The following PI4K2B variants were observed in gnomAD, a reference collection of about 807,000 sequenced individuals.
PI4K2B encodes the protein phosphatidylinositol 4-kinase type 2 beta, also known as phosphatidylinositol 4-kinase type 2-beta.
PI4K2B carries 46 observed loss-of-function variants against 56.6 expected under a neutral mutation model. That is an observed-to-expected ratio of 0.81 (90% CI 0.64 to 1.04). PI4K2B has a LOEUF of 1.04. Among genes scored for constraint, PI4K2B ranks in the 50% least tolerant of loss-of-function variants. PI4K2B has a pLI of 0.00. For missense variants in PI4K2B, 556 were observed against 607.7 expected, an observed-to-expected ratio of 0.91 and a Z score of 0.89; for synonymous variants, 211 against 223.8, an observed-to-expected ratio of 0.94 and a Z score of 0.51.
intron 9 of PI4K2B, among the ~76,000 whole-genome samples, chr4:25,273,604 G>A (rs1716992242): frequency 2.0e-5 from 3 of 152,234 alleles, no homozygotes; most frequent in South Asian, 4.1e-4. Context: ...TGAAATAAGG[G>A]CGCCTGCCAG....
At chr4:25,248,598 GTT>G (rs56141369) in intron 1 of PI4K2B, among the ~76,000 whole-genome samples, 217 of 131,910 alleles carry the variant, frequency 1.6e-3, no homozygotes, top group East Asian at 5.1e-3. Flanking sequence ...ATGATGTATG[GTT>G]TTTTTTTTTT....
chr4:25,272,544 G>A (rs1181215782), intron 9 of PI4K2B, among the ~76,000 whole-genome samples: 1 of 152,000 alleles, frequency 6.6e-6, no homozygotes, highest in Non-Finnish European at 1.5e-5. Flanking sequence ...GCTCATGGCT[G>A]TTGTCCCAGC....
Position 25,234,152 on chromosome 4 carries a change from C to T in PI4K2B, c.-12C>T. The T allele has an allele frequency of 7.4e-7, 1 of 1,350,148 alleles. No individual in the cohort carries two copies. Among genetic ancestry groups the T allele is most frequent in the Non-Finnish European group, 9.5e-7 (1 of 1,048,566 alleles). The allele number at this position is 1,350,148 out of a possible 1,614,324, so 83.6% of individuals were successfully genotyped here. ...TGATCTGGTCTCAGCGCGGAGGGAG[C>T]AGAGGGAGTCCATGGAGGATCCCTC... On this transcript the variant is annotated 5_prime_UTR_variant, in exon 1 of 10. Coordinates refer to ENST00000264864, the MANE Select transcript of PI4K2B (RefSeq NM_018323.4).
At position 25,269,122 on chromosome 4, in the gene PI4K2B, GT is replaced by G; in HGVS notation, c.1213-15del. 12 of 1,434,320 alleles carry G rather than the reference GT, an allele frequency of 8.4e-6. No individual in the cohort carries two copies. The highest frequency in any genetic ancestry group is 1.2e-5 in the South Asian group (1 of 81,590). The allele number at this position is 1,434,320 out of a possible 1,614,324, so 88.8% of individuals were successfully genotyped here. ...TATCAAAGTCTTTATTTTGGGAATT[GT>G]TTTTTTCCTTTCTATAATAGACTGA... is the stretch of plus-strand genomic sequence containing the variant. On this transcript the variant is annotated intron_variant, in intron 8 of 9. Coordinates refer to ENST00000264864, the MANE Select transcript of PI4K2B (RefSeq NM_018323.4).
intron 1 of PI4K2B, among the ~76,000 whole-genome samples, chr4:25,251,567 G>A (rs182572941): frequency 6.6e-6 from 1 of 152,098 alleles, no homozygotes; most frequent in East Asian, 1.9e-4. Context: ...TCCTTTGTAG[G>A]TTCTAGTAGG....
intron 8 of PI4K2B, 130 bp downstream of exon 8, chr4:25,268,706 A>G: frequency 1.7e-6 from 1 of 603,882 alleles, no homozygotes; most frequent in Non-Finnish European, 2.8e-6. Flanking sequence ...CAGGACAGAG[A>G]GGAATTAGCA....
chr4:25,259,589 C>G (rs1254489013), intron 5 of PI4K2B, among the ~76,000 whole-genome samples: 1 of 152,012 alleles, frequency 6.6e-6, no homozygotes, highest in African/African-American at 2.4e-5. Flanking sequence ...TATAAAGGAG[C>G]AATGACGTAG....
chr4:25,270,398 T>C (rs545315255), intron 9 of PI4K2B, among the ~76,000 whole-genome samples: 2 of 151,984 alleles, frequency 1.3e-5, no homozygotes, highest in African/African-American at 4.8e-5. Context: ...CAGGCTGGAG[T>C]GCAATGGTGC....
chr4:25,249,879 T>C (rs947704828), intron 1 of PI4K2B, among the ~76,000 whole-genome samples: 1 of 151,258 alleles, frequency 6.6e-6, no homozygotes, highest in Non-Finnish European at 1.5e-5. Flanking sequence ...GGCTGGGAGG[T>C]GGAGGTTGTA....
In PI4K2B at chr4:25,234,225, A is replaced by G; in HGVS notation, c.62A>G (p.Glu21Gly). The G allele has an allele frequency of 7.0e-7, 1 of 1,424,570 alleles. No homozygotes were observed. The highest frequency in any genetic ancestry group is 9.2e-7 in the Non-Finnish European group (1 of 1,088,086). 88.2% of individuals were successfully genotyped at this position (1,424,570 alleles called of 1,614,324 possible). A position where few individuals can be genotyped will look rare whatever the true frequency, so the allele number is the denominator to read the frequency against. ...ASADGGSPEE[E>G]EDGEREPLLP... is the part of the protein sequence containing the mutation. Reference sequence around the variant, plus strand: ...GCGGACGGCGGGAGCCCGGAGGAGGAGGAGGATGGGGAGCGGGAGCCGCTG... The same window carrying G: ...GCGGACGGCGGGAGCCCGGAGGAGGGGGAGGATGGGGAGCGGGAGCCGCTG... The change falls in exon 1 of 10, where the codon GAG becomes GGG. Residue 21 changes from glutamate (E) to glycine (G), a missense_variant. Glu to Gly is a moderately conservative substitution (Grantham distance 98). Coordinates refer to ENST00000264864, the MANE Select transcript of PI4K2B (RefSeq NM_018323.4).
Position 25,252,305 on chromosome 4 carries a change from T to C in PI4K2B, c.269-16T>C, listed in dbSNP as rs1259802822. On this transcript the variant is annotated splice_polypyrimidine_tract_variant and intron_variant, in intron 1 of 9. Coordinates refer to ENST00000264864, the MANE Select transcript of PI4K2B (RefSeq NM_018323.4). The stretch of plus-strand genomic sequence containing the variant: ...ATCATGAGCATTCTCATAGCTGGTA[T>C]TTCTTCTTAATGCAGTAACTATTGG... 3.8e-5 allele frequency: 60 copies of C among 1,596,214 alleles called. No individual in the cohort carries two copies. Among genetic ancestry groups the C allele is most frequent in the Non-Finnish European group, 5.1e-5 (59 of 1,165,296 alleles).
At chr4:25,236,589 A>G (rs1426101343) in intron 1 of PI4K2B, among the ~76,000 whole-genome samples, 1 of 152,206 alleles carries the variant, frequency 6.6e-6, no homozygotes, top group Non-Finnish European at 1.5e-5. Flanking sequence ...CAGCACAGCA[A>G]GTTAGTTGTT....
chr4:25,276,392 C>A, intron 9 of PI4K2B: 1 of 289,920 alleles, frequency 3.4e-6, no homozygotes, highest in Non-Finnish European at 5.1e-6. Context: ...ACTGCCTTCC[C>A]AAATTCTCTA....
At chr4:25,245,556 C>T (rs960090743) in intron 1 of PI4K2B, among the ~76,000 whole-genome samples, 5 of 152,140 alleles carry the variant, frequency 3.3e-5, no homozygotes, top group Admixed American at 1.3e-4. Context: ...CCAACGCTCC[C>T]AACTCTGAAG....
intron 1 of PI4K2B, among the ~76,000 whole-genome samples, chr4:25,237,577 G>T (rs1166174626): frequency 6.6e-6 from 1 of 152,188 alleles, no homozygotes; most frequent in Non-Finnish European, 1.5e-5. Context: ...TGTTGGTCAG[G>T]CTGGTCTCGA....
chr4:25,246,059 C>T (rs1236035175), intron 1 of PI4K2B, among the ~76,000 whole-genome samples: 8 of 152,096 alleles, frequency 5.3e-5, no homozygotes, highest in Non-Finnish European at 8.8e-5. Flanking sequence ...TTTCTTTCTT[C>T]TGGTGGGTTC....
chr4:25,266,747 T>A (rs748217641), intron 7 of PI4K2B, among the ~76,000 whole-genome samples: 84 of 152,218 alleles, frequency 5.5e-4, no homozygotes, highest in Non-Finnish European at 5.9e-4. Flanking sequence ...TTTTTCTTTT[T>A]CTTTCTTTTT....
At chr4:25,269,375 G>A (rs1002393106) in intron 9 of PI4K2B, among the ~76,000 whole-genome samples, 172 bp downstream of exon 9, 3 of 152,094 alleles carry the variant, frequency 2.0e-5, no homozygotes, top group Admixed American at 6.5e-5. Flanking sequence ...AGTGGCTCAC[G>A]CCTGTAATCC....
chr4:25,275,050 C>T (rs917049801), intron 9 of PI4K2B, among the ~76,000 whole-genome samples: 1 of 151,984 alleles, frequency 6.6e-6, no homozygotes, highest in Admixed American at 6.6e-5. Flanking sequence ...GTGATCCACC[C>T]GCCTTGGCCT....
Sources: gnomAD v4.1 joint callset for allele counts (sites outside exome capture counted in the v4.1 genomes callset) on GRCh38, gnomAD v4.1.1 for gene constraint, MANE v1.5 for transcripts, NCBI Gene and HGNC (gene_info 2026-07-23, HGNC 2026-07-21) for gene names.